SLC25A21: variants seen among roughly 807,000 people sequenced by gnomAD.
The protein encoded by SLC25A21 is solute carrier family 25 member 21, also known as mitochondrial 2-oxodicarboxylate carrier.
In SLC25A21, 47 loss-of-function variants were observed where a neutral mutation model predicts 43.8. The observed-to-expected ratio is 1.07, with a 90% CI of 0.85 to 1.37. SLC25A21 has a LOEUF of 1.37. SLC25A21 is among the 40% of genes most tolerant of loss of function. The probability of loss-of-function intolerance (pLI) is 0.00; values close to 1 mark genes in which losing one functional copy is unlikely to be tolerated. For synonymous variants in SLC25A21, 131 were observed against 121.3 expected, an observed-to-expected ratio of 1.08 and a Z score of -0.52; for missense variants, 352 against 350.2, an observed-to-expected ratio of 1.00 and a Z score of -0.04.
At chr14:36,695,254 T>C (rs2139158783) in intron 7 of SLC25A21, among the ~76,000 whole-genome samples, 1 of 152,338 alleles carries the variant, frequency 6.6e-6, no homozygotes, top group African/African-American at 2.4e-5. Context: ...GCCTCTGTTC[T>C]GTTCCATTGG....
intron 1 of SLC25A21, among the ~76,000 whole-genome samples, chr14:37,005,758 G>C (rs1484152015): frequency 6.6e-6 from 1 of 152,132 alleles, no homozygotes; most frequent in East Asian, 1.9e-4. Flanking sequence ...AGTGCATGGG[G>C]AATTAAAATG....
intron 3 of SLC25A21, among the ~76,000 whole-genome samples, chr14:36,737,571 C>G (rs1950354): frequency 0.065 from 9,827 of 152,190 alleles, 1,055 homozygotes; most frequent in African/African-American, 0.22. Flanking sequence ...CCTACCTCCT[C>G]GCATTGCTTT....
intron 1 of SLC25A21, among the ~76,000 whole-genome samples, chr14:37,096,154 C>G (rs1962689432): frequency 6.6e-6 from 1 of 152,046 alleles, no homozygotes; most frequent in Non-Finnish European, 1.5e-5. Flanking sequence ...GACTATATAA[C>G]AGGTACAGAG....
chr14:37,074,101 A>G (rs942241644), intron 1 of SLC25A21, among the ~76,000 whole-genome samples: 1 of 152,186 alleles, frequency 6.6e-6, no homozygotes, highest in Non-Finnish European at 1.5e-5. Flanking sequence ...TAAGAACAAA[A>G]GGAAAAAAGA....
intron 1 of SLC25A21, among the ~76,000 whole-genome samples, chr14:37,078,475 A>G (rs1481332875): frequency 6.6e-6 from 1 of 152,150 alleles, no homozygotes; most frequent in Non-Finnish European, 1.5e-5. Context: ...TTCCACTGCA[A>G]TCACACCGAA....
At chr14:37,111,114 G>A (rs970684422) in intron 1 of SLC25A21, among the ~76,000 whole-genome samples, 3 of 152,104 alleles carry the variant, frequency 2.0e-5, no homozygotes, top group African/African-American at 7.2e-5. Flanking sequence ...TATAAAGTAA[G>A]AAAGGTTTCT....
chr14:36,728,079 C>G (rs1251796107), intron 5 of SLC25A21, among the ~76,000 whole-genome samples: 1 of 152,178 alleles, frequency 6.6e-6, no homozygotes, highest in South Asian at 2.1e-4. Flanking sequence ...GATCATGTTA[C>G]GTAGGTTGTT....
At chr14:36,795,954 G>C (rs1887655207) in intron 3 of SLC25A21, among the ~76,000 whole-genome samples, 1 of 152,136 alleles carries the variant, frequency 6.6e-6, no homozygotes, top group South Asian at 2.1e-4. Context: ...AACCACCTCA[G>C]AACAAGAATA....
At chr14:36,783,486 C>A (rs1418809361) in intron 3 of SLC25A21, among the ~76,000 whole-genome samples, 1 of 152,072 alleles carries the variant, frequency 6.6e-6, no homozygotes, top group Non-Finnish European at 1.5e-5. Context: ...TTGCTGATAT[C>A]CTCAGTATTC....
At position 37,006,514 on chromosome 14, in the gene SLC25A21, T is replaced by A. The variant is rs117137301; in HGVS notation, c.71-131510A>T. On this transcript the variant is annotated intron_variant, in intron 1 of 9. Coordinates refer to ENST00000331299, the MANE Select transcript of SLC25A21 (RefSeq NM_030631.4). ...TGCCAAAATTGTGCAAAACCAAGAT[T>A]TGTAAGAATAGAACCTCTAGTATAT... is the stretch of plus-strand genomic sequence containing the variant. Among the ~76,000 whole-genome samples the A allele has an allele frequency of 8.7e-3, 1,323 of 152,180 alleles. 25 individuals carry two copies. Among genetic ancestry groups the A allele is most frequent in the East Asian group, 0.066 (341 of 5,176 alleles).
At chr14:37,076,362 G>A (rs906395768) in intron 1 of SLC25A21, among the ~76,000 whole-genome samples, 1 of 151,818 alleles carries the variant, frequency 6.6e-6, no homozygotes, top group South Asian at 2.1e-4. Flanking sequence ...AGTAGAGATG[G>A]GGGTTTCGTC....
At chr14:37,074,113 A>G (rs1431666628) in intron 1 of SLC25A21, among the ~76,000 whole-genome samples, 1 of 152,172 alleles carries the variant, frequency 6.6e-6, no homozygotes, top group Non-Finnish European at 1.5e-5. Flanking sequence ...GAAAAAAGAA[A>G]GAGCTATTAT....
intron 1 of SLC25A21, among the ~76,000 whole-genome samples, chr14:36,963,372 T>C (rs1190169670): frequency 6.6e-6 from 1 of 152,194 alleles, no homozygotes; most frequent in Non-Finnish European, 1.5e-5. Context: ...GAACAGCATG[T>C]TAGCAAAGAA....
intron 1 of SLC25A21, among the ~76,000 whole-genome samples, chr14:37,144,711 AG>A (rs1454013919): frequency 6.6e-6 from 1 of 152,258 alleles, no homozygotes; most frequent in African/African-American, 2.4e-5. Flanking sequence ...ATATTATAAA[AG>A]TAGAAAGAAT....
intron 2 of SLC25A21, among the ~76,000 whole-genome samples, chr14:36,845,039 T>G (rs1282007731): frequency 6.6e-6 from 1 of 152,226 alleles, no homozygotes; most frequent in Admixed American, 6.5e-5. Context: ...ATGGCATGCT[T>G]TGTGCTGCAT....
intron 3 of SLC25A21, among the ~76,000 whole-genome samples, chr14:36,785,198 G>C (rs1033785845): frequency 1.3e-5 from 2 of 152,162 alleles, no homozygotes; most frequent in African/African-American, 4.8e-5. Context: ...CTGGCACACA[G>C]GTGGATGCTT....
At chr14:37,019,939 C>T (rs1462550259) in intron 1 of SLC25A21, among the ~76,000 whole-genome samples, 1 of 151,816 alleles carries the variant, frequency 6.6e-6, no homozygotes, top group Non-Finnish European at 1.5e-5. Flanking sequence ...AAAGACAAAT[C>T]TGTAGTTCTA....
intron 1 of SLC25A21, among the ~76,000 whole-genome samples, chr14:37,000,286 T>C (rs184782369): frequency 1.3e-5 from 2 of 152,164 alleles, no homozygotes; most frequent in Non-Finnish European, 2.9e-5. Flanking sequence ...CATCATCTCT[T>C]GTCTGGCCTA....
chr14:37,021,719 CAG>C (rs1960989549), intron 1 of SLC25A21, among the ~76,000 whole-genome samples: 3 of 151,832 alleles, frequency 2.0e-5, no homozygotes, highest in Non-Finnish European at 4.4e-5. Flanking sequence ...AGTTTGGTAT[CAG>C]AATAAGTTTC....
Sources: allele counts gnomAD v4.1 joint callset (sites outside exome capture counted in the v4.1 genomes callset), GRCh38; gene constraint gnomAD v4.1.1; transcripts MANE v1.5; gene names NCBI Gene and HGNC (gene_info 2026-07-23, HGNC 2026-07-21).